Variants in SHROOM3 observed in about 807,000 individuals in gnomAD.
SHROOM3 encodes the protein shroom family member 3.
A neutral mutation model predicts 138.6 loss-of-function variants in SHROOM3; 47 were observed. The ratio of observed to expected loss-of-function variants is 0.34; its 90% CI spans 0.27 to 0.43. The LOEUF (loss-of-function observed/expected upper bound fraction) is 0.43. Among genes scored for constraint, SHROOM3 ranks in the 20% least tolerant of loss-of-function variants. The probability of loss-of-function intolerance (pLI) is 1.00; values close to 1 mark genes in which losing one functional copy is unlikely to be tolerated. For synonymous variants in SHROOM3, 1,062 were observed against 1,063.3 expected (o/e 1.00, Z 0.02); for missense variants, 2,491 against 2,596.5 (o/e 0.96, Z 0.88).
At chr4:76,576,754 G>A (rs916119680) in intron 2 of SHROOM3, among the ~76,000 whole-genome samples, 3 of 151,622 alleles carry the variant, frequency 2.0e-5, no homozygotes, top group East Asian at 1.9e-4. Context: ...AACATCTCAC[G>A]TACCCCATAA....
intron 3 of SHROOM3, among the ~76,000 whole-genome samples, chr4:76,721,321 A>G (rs1280958996): frequency 1.3e-5 from 2 of 152,186 alleles, no homozygotes; most frequent in East Asian, 1.9e-4. Context: ...AAAAAAAAAA[A>G]AAGAATTTCT....
At chr4:76,495,239 A>C (rs1257213068) in intron 1 of SHROOM3, among the ~76,000 whole-genome samples, 13 of 152,216 alleles carry the variant, frequency 8.5e-5, no homozygotes, top group Non-Finnish European at 4.4e-5. Context: ...AGGTCCCCTT[A>C]ACTGGATTGG....
Position 76,668,691 on chromosome 4 carries a change from C to T in SHROOM3, c.324-41465C>T, listed in dbSNP as rs1382017674. ...ATTGTCAATGAGGCAGATCAGATTC[C>T]GATTTGACAGGCAACAAATCAATGA... is the stretch of plus-strand genomic sequence containing the variant. On this transcript the variant is annotated intron_variant, in intron 2 of 10. Coordinates refer to ENST00000296043, the MANE Select transcript of SHROOM3 (RefSeq NM_020859.4). 2.0e-5 allele frequency among the ~76,000 whole-genome samples: 3 copies of T among 152,110 alleles called. No homozygotes were observed. In the East Asian group the frequency reaches 5.8e-4, roughly 29 times the overall value.
Position 76,580,935 on chromosome 4 carries a change from C to CT in SHROOM3, c.323+25181dup, listed in dbSNP as rs368937017. Among the ~76,000 whole-genome samples the CT allele has an allele frequency of 2.2e-3, 338 of 151,630 alleles. 1 individual carries two copies. Among genetic ancestry groups the CT allele is most frequent in the African/African-American group, 7.0e-3 (291 of 41,384 alleles). On this transcript the variant is annotated intron_variant, in intron 2 of 10. Transcript: ENST00000296043. ...TGTGCTTCTACCTTTCCACCTTATTCTTTTTTTTTATTATACTTTAAGTTT... is the reference window on the plus strand; with the variant it reads ...TGTGCTTCTACCTTTCCACCTTATTCTTTTTTTTTTATTATACTTTAAGTTT...
intron 1 of SHROOM3, among the ~76,000 whole-genome samples, chr4:76,482,606 A>G (rs1029546785): frequency 6.6e-6 from 1 of 152,222 alleles, no homozygotes; most frequent in African/African-American, 2.4e-5. Context: ...TGCTATCCCC[A>G]TCAATCTACC....
At chr4:76,727,402 G>A (rs552960766) in intron 3 of SHROOM3, among the ~76,000 whole-genome samples, 4 of 152,308 alleles carry the variant, frequency 2.6e-5, no homozygotes, top group African/African-American at 7.2e-5. Context: ...CTAATCATTG[G>A]ATGGAACAAG....
chr4:76,636,572 A>AG (rs1162906244), intron 2 of SHROOM3, among the ~76,000 whole-genome samples: 2 of 152,224 alleles, frequency 1.3e-5, no homozygotes, highest in Non-Finnish European at 2.9e-5. Context: ...TAAATTGATG[A>AG]GGAAAAAAAA....
chr4:76,596,728 T>C (rs1734397451), intron 2 of SHROOM3, among the ~76,000 whole-genome samples: 1 of 152,134 alleles, frequency 6.6e-6, no homozygotes, highest in Non-Finnish European at 1.5e-5. Flanking sequence ...CCATTTTTGC[T>C]TGATTTTCTC....
At chr4:76,507,779 C>T (rs1055563856) in intron 1 of SHROOM3, among the ~76,000 whole-genome samples, 1 of 152,024 alleles carries the variant, frequency 6.6e-6, no homozygotes, top group African/African-American at 2.4e-5. Context: ...CTCCTGACCT[C>T]GTGATCTGCC....
chr4:76,495,528 C>T (rs2109996049), intron 1 of SHROOM3, among the ~76,000 whole-genome samples: 1 of 152,376 alleles, frequency 6.6e-6, no homozygotes, highest in East Asian at 1.9e-4. Flanking sequence ...CTGTGCCTTT[C>T]TGCTTCCTTC....
At position 76,605,990 on chromosome 4, in the gene SHROOM3, C is replaced by CAT. The variant is rs751028363; in HGVS notation, c.323+50244_323+50245dup. Among the ~76,000 whole-genome samples the CAT allele has an allele frequency of 5.0e-3, 422 of 84,672 alleles. 4 individuals carry two copies. Among genetic ancestry groups the CAT allele is most frequent in the Middle Eastern group, 0.025 (3 of 118 alleles). 55.5% of individuals were successfully genotyped at this position (84,672 alleles called of 152,430 possible). A position where few individuals can be genotyped will look rare whatever the true frequency, so the allele number is the denominator to read the frequency against. On this transcript the variant is annotated intron_variant, in intron 2 of 10. Coordinates refer to ENST00000296043, the MANE Select transcript of SHROOM3 (RefSeq NM_020859.4). The stretch of plus-strand genomic sequence containing the variant: ...ATATATACACATATACACACACACA[C>CAT]ATATATATATATATATATTTTTTTT...
At chr4:76,523,037 A>G (rs1290287834) in intron 1 of SHROOM3, among the ~76,000 whole-genome samples, 1 of 152,160 alleles carries the variant, frequency 6.6e-6, no homozygotes, top group African/African-American at 2.4e-5. Flanking sequence ...ATTCTCTCAC[A>G]GTTCTGGAGG....
chr4:76,740,092 G>C lies in SHROOM3; in HGVS notation c.1919G>C (p.Arg640Thr), dbSNP rs770968276. The C allele has an allele frequency of 1.9e-6, 3 of 1,613,796 alleles. No individual in the cohort carries two copies. The highest frequency in any genetic ancestry group is 1.7e-6 in the Non-Finnish European group (2 of 1,180,028). Residue 640 changes from arginine (R) to threonine (T), a missense_variant, in exon 5 of 11, where the codon AGG (arginine) becomes ACG (threonine). Transcript: ENST00000296043. This position sits in a 1 kb window ranked among gnomAD's most constrained non-coding sequence, Gnocchi z 4.0. ...GAAGACCACAATGCCAACCTCTGGAGGAGGCTGGAGAGAGAAGGCCTAGGC... is the reference window on the plus strand; with the variant it reads ...GAAGACCACAATGCCAACCTCTGGACGAGGCTGGAGAGAGAAGGCCTAGGC... Reference protein sequence around the residue: ...FQEDHNANLWRRLEREGLGQS... With the variant: ...FQEDHNANLWTRLEREGLGQS...
At chr4:76,717,576 A>G (rs1010177148) in intron 3 of SHROOM3, among the ~76,000 whole-genome samples, 2 of 150,658 alleles carry the variant, frequency 1.3e-5, no homozygotes, top group Admixed American at 6.6e-5. Context: ...AAGGTTTTTT[A>G]TTCAGATATC....
At chr4:76,462,911 T>C (rs1013684371) in intron 1 of SHROOM3, among the ~76,000 whole-genome samples, 1 of 152,168 alleles carries the variant, frequency 6.6e-6, no homozygotes, top group African/African-American at 2.4e-5. Context: ...TTTCATAAAC[T>C]ACCCAGACTC....
intron 2 of SHROOM3, among the ~76,000 whole-genome samples, chr4:76,622,351 A>G (rs1486669341): frequency 6.6e-6 from 1 of 151,988 alleles, no homozygotes; most frequent in Admixed American, 6.6e-5. Context: ...CCTGGAACCA[A>G]ATCTTTTACT....
At chr4:76,658,177 T>C (rs188875935) in intron 2 of SHROOM3, among the ~76,000 whole-genome samples, 1 of 152,224 alleles carries the variant, frequency 6.6e-6, no homozygotes, top group Non-Finnish European at 1.5e-5. Flanking sequence ...ATCCACCGAC[T>C]GTGAGGATGT....
At chr4:76,662,117 T>C (rs949480493) in intron 2 of SHROOM3, among the ~76,000 whole-genome samples, 2 of 152,234 alleles carry the variant, frequency 1.3e-5, no homozygotes, top group Non-Finnish European at 1.5e-5. Flanking sequence ...CATGGCATCA[T>C]TGGGTTCTCT....
intron 1 of SHROOM3, among the ~76,000 whole-genome samples, chr4:76,470,792 G>T (rs1469971106): frequency 6.6e-6 from 1 of 152,114 alleles, no homozygotes; most frequent in Non-Finnish European, 1.5e-5. Context: ...TTTTGTTAGA[G>T]TATTACCACC....
Sources: gnomAD v4.1 joint callset for allele counts (sites outside exome capture counted in the v4.1 genomes callset) on GRCh38, gnomAD v4.1.1 for gene constraint, Gnocchi (gnomAD v3.1) non-coding constraint, MANE v1.5 for transcripts, NCBI Gene and HGNC (gene_info 2026-07-23, HGNC 2026-07-21) for gene names.